Variants in KIAA1671 observed in about 807,000 individuals in gnomAD.
KIAA1671 encodes the protein KIAA1671.
Under a neutral mutation model 131.2 loss-of-function variants are expected in KIAA1671, and 52 were observed. The observed-to-expected ratio is 0.40, with a 90% confidence interval of 0.32 to 0.50. The LOEUF (loss-of-function observed/expected upper bound fraction) is 0.50. Among genes scored for constraint, KIAA1671 ranks in the 20% least tolerant of loss-of-function variants. KIAA1671 has a pLI of 0.73. For synonymous variants in KIAA1671, 1,003 were observed against 961.6 expected, an observed-to-expected ratio of 1.04 and a Z score of -0.80; for missense variants, 2,360 against 2,364.2, an observed-to-expected ratio of 1.00 and a Z score of 0.04.
At chr22:25,062,453 C>A (rs1040183402) in intron 6 of KIAA1671, 20 of 152,330 alleles carry the variant, frequency 1.3e-4, no homozygotes, top group African/African-American at 4.8e-4. Flanking sequence ...GCACTCCCCC[C>A]AGCCCCCACC....
At chr22:25,034,649 A>G (rs1444493047) in intron 4 of KIAA1671, among the ~76,000 whole-genome samples, 1 of 152,172 alleles carries the variant, frequency 6.6e-6, no homozygotes, top group African/African-American at 2.4e-5. Flanking sequence ...GGCAATTACC[A>G]GTGAAGCTGC....
In KIAA1671 at chr22:25,166,904, C is replaced by T. The variant is rs569280044; in HGVS notation, c.4531-3916C>T. On this transcript the variant is annotated intron_variant, in intron 6 of 12. Transcript: ENST00000358431. ...TACACAGGCACAAGCCCAGCATCCA[C>T]CTTGCAGCCTCGGGACAACAAGCTG... 3.7e-4 allele frequency among the ~76,000 whole-genome samples: 56 copies of T among 152,296 alleles called. No homozygotes were observed. In the South Asian group the frequency reaches 8.1e-3, roughly 22 times the overall value.
chr22:24,999,738 T>A (rs1924334824), intron 1 of KIAA1671, among the ~76,000 whole-genome samples: 2 of 145,604 alleles, frequency 1.4e-5, no homozygotes, highest in Non-Finnish European at 1.5e-5. Flanking sequence ...AACTGTTCAG[T>A]TTTTTGCAAA....
rs972247407 is a variant in KIAA1671, at chr22:25,193,769, G to A, written c.*1368G>A. The A allele has an allele frequency of 6.6e-6, 1 of 152,382 alleles. No individual in the cohort carries two copies. The highest frequency in any genetic ancestry group is 2.1e-4 in the South Asian group (1 of 4,812). 9.4% of individuals were successfully genotyped at this position (152,382 alleles called of 1,614,324 possible). On this transcript the variant is annotated 3_prime_UTR_variant, in exon 13 of 13. Coordinates refer to ENST00000358431, the MANE Select transcript of KIAA1671 (RefSeq NM_001145206.2). Reference sequence around the variant, plus strand: ...CAGCAACTGCAGGGCTGTGAGGCCGGAGCCCACCTTGTGTCCTGTTCGATG... The same window carrying A: ...CAGCAACTGCAGGGCTGTGAGGCCGAAGCCCACCTTGTGTCCTGTTCGATG...
intron 6 of KIAA1671, among the ~76,000 whole-genome samples, chr22:25,094,173 G>T (rs1027481982): frequency 7.2e-5 from 11 of 152,110 alleles, no homozygotes; most frequent in African/African-American, 2.7e-4. Context: ...GGCATTTTCT[G>T]TTGCCTTCTT....
At chr22:25,053,846 A>C (rs1257309119) in intron 6 of KIAA1671, 1 of 152,146 alleles carries the variant, frequency 6.6e-6, no homozygotes, top group Non-Finnish European at 1.5e-5. Flanking sequence ...GGTAAGTGCT[A>C]TGCTGGGCAG....
At chr22:25,060,181 T>C (rs1928084462) in intron 6 of KIAA1671, 1 of 152,080 alleles carries the variant, frequency 6.6e-6, no homozygotes, top group Non-Finnish European at 1.5e-5. Flanking sequence ...CTGATTTTAT[T>C]TTATTTATTT....
chr22:25,190,997 T>C (rs1476121677), intron 12 of KIAA1671, among the ~76,000 whole-genome samples: 7 of 152,046 alleles, frequency 4.6e-5, no homozygotes, highest in Admixed American at 4.6e-4. Flanking sequence ...CTGGGCTGCC[T>C]GGAGTGGGTG....
At chr22:25,079,289 GCA>G (rs368740371) in intron 6 of KIAA1671, among the ~76,000 whole-genome samples, 1 of 151,832 alleles carries the variant, frequency 6.6e-6, no homozygotes, top group African/African-American at 2.4e-5. Context: ...GAGTGCAATG[GCA>G]CCATCTCGGC....
chr22:25,036,335 C>T (rs1466132285), intron 4 of KIAA1671, among the ~76,000 whole-genome samples: 1 of 152,006 alleles, frequency 6.6e-6, no homozygotes, highest in African/African-American at 2.4e-5. Context: ...CCGCCTCGGC[C>T]TCCCAAAGTG....
intron 1 of KIAA1671, among the ~76,000 whole-genome samples, chr22:24,995,226 A>AT (rs1336271011): frequency 1.3e-5 from 2 of 149,716 alleles, no homozygotes; most frequent in South Asian, 2.1e-4. Flanking sequence ...AATTTTTTGT[A>AT]TTTTTTTAGT....
At chr22:25,164,984 T>A (rs1167830699) in intron 6 of KIAA1671, among the ~76,000 whole-genome samples, 1 of 120,840 alleles carries the variant, frequency 8.3e-6, no homozygotes, top group Non-Finnish European at 1.6e-5. Flanking sequence ...CAGGCGTGTG[T>A]GTGTGTGTGT....
chr22:25,167,602 G>T (rs1373776017), intron 6 of KIAA1671, among the ~76,000 whole-genome samples: 1 of 152,188 alleles, frequency 6.6e-6, no homozygotes, highest in East Asian at 1.9e-4. Flanking sequence ...TGTATTCTTT[G>T]TGATTTTCCG....
intron 1 of KIAA1671, among the ~76,000 whole-genome samples, chr22:24,992,198 G>A (rs910063812): frequency 1.3e-5 from 2 of 152,194 alleles, no homozygotes; most frequent in Admixed American, 6.5e-5. Context: ...GACCCTGTAG[G>A]AGCAGAGTTA....
At chr22:25,178,510 G>A (rs1207992955) in intron 9 of KIAA1671, among the ~76,000 whole-genome samples, 1 of 152,282 alleles carries the variant, frequency 6.6e-6, no homozygotes, top group Non-Finnish European at 1.5e-5. Flanking sequence ...AGCCCTGGTG[G>A]GGAGGGGCGG....
At position 25,005,346 on chromosome 22, in the gene KIAA1671, T is replaced by TAAA. The variant is rs569086369; in HGVS notation, c.-207-20271_-207-20269dup. ...CTGGGTGACAGAGCGAGACTCCATCTAAAAAAAAAAAAAAAAAAGAAAAAA... is the reference window on the plus strand; with the variant it reads ...CTGGGTGACAGAGCGAGACTCCATCTAAAAAAAAAAAAAAAAAAAAAGAAAAAA... On this transcript the variant is annotated intron_variant, in intron 1 of 12. Transcript: ENST00000358431. Among the ~76,000 whole-genome samples the TAAA allele has an allele frequency of 2.6e-3, 292 of 111,464 alleles. 1 individual carries two copies. Among genetic ancestry groups the TAAA allele is most frequent in the African/African-American group, 9.0e-3 (270 of 30,060 alleles). 73.1% of individuals were successfully genotyped at this position (111,464 alleles called of 152,430 possible).
At chr22:25,163,850 G>A (rs1354225547) in intron 6 of KIAA1671, among the ~76,000 whole-genome samples, 1 of 152,136 alleles carries the variant, frequency 6.6e-6, no homozygotes, top group Admixed American at 6.5e-5. Flanking sequence ...CCTGCAGGGC[G>A]GTGTCCATGT....
intron 8 of KIAA1671, chr22:25,176,619 C>G (rs535350133): frequency 6.6e-6 from 1 of 152,198 alleles, no homozygotes; most frequent in Non-Finnish European, 1.5e-5. Context: ...GGATTCGAAC[C>G]CAGCAGGGTT....
Position 25,028,121 on chromosome 22 carries a change from G to A in KIAA1671, c.122G>A (p.Gly41Glu). 1 of 1,551,288 alleles carries A rather than the reference G, an allele frequency of 6.4e-7. No individual in the cohort carries two copies. The highest frequency in any genetic ancestry group is 2.0e-5 in the Admixed American group (1 of 50,980). ...TTCCTCCAGGCCGGCGAAGCCTCTG[G>A]GGCTCCCCCAGCCCGGATCTTGGAA... ...TYFLQAGEAS[G>E]APPARILEAK... The change falls in exon 3 of 13, where the codon GGG becomes GAG. Residue 41 changes from glycine to glutamate, a missense_variant. Coordinates refer to ENST00000358431, the MANE Select transcript of KIAA1671 (RefSeq NM_001145206.2).
Sources: allele counts gnomAD v4.1 joint callset (sites outside exome capture counted in the v4.1 genomes callset), GRCh38; gene constraint gnomAD v4.1.1; transcripts MANE v1.5; gene names NCBI Gene and HGNC (gene_info 2026-07-23, HGNC 2026-07-21).